The following CTNNA3 variants were observed in gnomAD, a reference collection of about 807,000 sequenced individuals.
The protein encoded by CTNNA3 is catenin alpha 3, also known as catenin alpha-3.
CTNNA3 carries 76 observed loss-of-function variants against 95.7 expected under a neutral mutation model. That is an observed-to-expected ratio of 0.79 (90% CI 0.66 to 0.96). The LOEUF is 0.96. Ranked by LOEUF, CTNNA3 falls within the 40% of genes least tolerant of loss-of-function variation. The pLI is 0.00. For missense variants in CTNNA3, 1,191 were observed against 1,089.8 expected (o/e 1.09, Z -1.31); for synonymous variants, 431 against 374.4 (o/e 1.15, Z -1.74).
chr10:67,587,769 T>C (rs1842681057), intron 3 of CTNNA3, among the ~76,000 whole-genome samples: 1 of 152,172 alleles, frequency 6.6e-6, no homozygotes, highest in Non-Finnish European at 1.5e-5. Context: ...CTTGAGAAGT[T>C]TTCATCTATT....
At chr10:66,618,580 A>T (rs1338482265) in intron 10 of CTNNA3, among the ~76,000 whole-genome samples, 2 of 152,162 alleles carry the variant, frequency 1.3e-5, no homozygotes, top group African/African-American at 4.8e-5. Flanking sequence ...TAAAGACTTA[A>T]ACGTTAGACC....
At chr10:67,656,997 G>A (rs1840043756) in intron 1 of CTNNA3, among the ~76,000 whole-genome samples, 1 of 152,226 alleles carries the variant, frequency 6.6e-6, no homozygotes, top group Admixed American at 6.5e-5. Context: ...CAGCCATTGG[G>A]AGTTCCCATA....
In CTNNA3 at chr10:66,851,633, TACACACACACAC is replaced by T. The variant is rs35986426; in HGVS notation, c.1048-76121_1048-76110del. 9.4e-3 allele frequency among the ~76,000 whole-genome samples: 1,365 copies of T among 144,468 alleles called. 24 individuals carry two copies. Among genetic ancestry groups the T allele is most frequent in the African/African-American group, 0.029 (1,132 of 38,862 alleles). 94.8% of individuals were successfully genotyped at this position (144,468 alleles called of 152,430 possible). A position where few individuals can be genotyped will look rare whatever the true frequency, so the allele number is the denominator to read the frequency against. ...CACCCACCTCTCTCTTTCTCTCACATACACACACACACACACACACACACACACACACACACA... is the reference window on the plus strand; with the variant it reads ...CACCCACCTCTCTCTTTCTCTCACATACACACACACACACACACACACACA... On this transcript the variant is annotated intron_variant, in intron 7 of 17. Transcript: ENST00000433211.
At chr10:67,523,736 T>C (rs1215167778) in intron 4 of CTNNA3, among the ~76,000 whole-genome samples, 3 of 152,162 alleles carry the variant, frequency 2.0e-5, no homozygotes, top group African/African-American at 4.8e-5. Context: ...CCAAAATCAG[T>C]TCATTTTCCC....
At chr10:65,990,599 GT>G (rs2078524950) in intron 15 of CTNNA3, among the ~76,000 whole-genome samples, 1 of 151,124 alleles carries the variant, frequency 6.6e-6, no homozygotes, top group South Asian at 2.1e-4. Context: ...CTGTTGAGTT[GT>G]TTTAGTTCCA....
intron 17 of CTNNA3, among the ~76,000 whole-genome samples, chr10:65,947,598 G>A (rs1457163065): frequency 6.6e-6 from 1 of 152,160 alleles, no homozygotes; most frequent in Non-Finnish European, 1.5e-5. Flanking sequence ...GGCCTCATTA[G>A]TGAGATTCCA....
intron 7 of CTNNA3, among the ~76,000 whole-genome samples, chr10:66,779,974 A>G (rs1040580517): frequency 6.6e-6 from 1 of 152,166 alleles, no homozygotes; most frequent in Non-Finnish European, 1.5e-5. Flanking sequence ...ACTCTCAATA[A>G]TGATGAAGGA....
chr10:67,472,265 A>T (rs577820125), intron 5 of CTNNA3, among the ~76,000 whole-genome samples: 18 of 152,316 alleles, frequency 1.2e-4, no homozygotes, highest in African/African-American at 4.3e-4. Flanking sequence ...CTACACAGAG[A>T]TATGAATACT....
intron 1 of CTNNA3, among the ~76,000 whole-genome samples, chr10:67,656,564 C>T (rs1369053006): frequency 1.3e-5 from 2 of 151,788 alleles, no homozygotes; most frequent in Non-Finnish European, 2.9e-5. Flanking sequence ...ATAACATATG[C>T]CATTTTAAAA....
At chr10:67,125,242 G>A (rs1439354163) in intron 7 of CTNNA3, among the ~76,000 whole-genome samples, 1 of 152,068 alleles carries the variant, frequency 6.6e-6, no homozygotes, top group Non-Finnish European at 1.5e-5. Context: ...CATTAGCAAA[G>A]CTCAGGAACT....
At chr10:66,163,041 C>A (rs1048267222) in intron 13 of CTNNA3, among the ~76,000 whole-genome samples, 1 of 152,072 alleles carries the variant, frequency 6.6e-6, no homozygotes, top group Non-Finnish European at 1.5e-5. Context: ...AACTGAAGGG[C>A]TGGTCTCACT....
At chr10:66,441,717 TA>T (rs2093376561) in intron 11 of CTNNA3, among the ~76,000 whole-genome samples, 3 of 152,194 alleles carry the variant, frequency 2.0e-5, no homozygotes, top group Admixed American at 6.5e-5. Context: ...TTCCAGAATA[TA>T]AAAACACTGT....
intron 7 of CTNNA3, among the ~76,000 whole-genome samples, chr10:66,806,149 A>G (rs1173516287): frequency 6.6e-6 from 1 of 151,564 alleles, no homozygotes; most frequent in Non-Finnish European, 1.5e-5. Context: ...AGGGAAATAA[A>G]GAAGCAAAAG....
chr10:66,778,555 G>A (rs576381719), intron 7 of CTNNA3, among the ~76,000 whole-genome samples: 66 of 152,246 alleles, frequency 4.3e-4, no homozygotes, highest in African/African-American at 1.4e-3. Flanking sequence ...CCCTGCTAAT[G>A]GAAAAGGGAC....
intron 7 of CTNNA3, among the ~76,000 whole-genome samples, chr10:66,922,507 T>C (rs1369922692): frequency 1.3e-5 from 2 of 152,188 alleles, no homozygotes; most frequent in Non-Finnish European, 2.9e-5. Context: ...GTTTTGGATT[T>C]CTCAACTAGC....
chr10:67,322,509 G>A (rs1841364967), intron 5 of CTNNA3, among the ~76,000 whole-genome samples: 1 of 152,178 alleles, frequency 6.6e-6, no homozygotes, highest in Non-Finnish European at 1.5e-5. Flanking sequence ...AGTTTGCTAA[G>A]AATAATGGCC....
chr10:66,216,864 C>T (rs2088573590), intron 13 of CTNNA3, among the ~76,000 whole-genome samples: 1 of 152,130 alleles, frequency 6.6e-6, no homozygotes. Context: ...TGTATAGCTT[C>T]ATGCCATTTT....
rs1051179102 is a variant in CTNNA3 at position 67,184,547 on chromosome 10, A to G, written c.844-4027T>C. Among the ~76,000 whole-genome samples the G allele has an allele frequency of 2.0e-5, 3 of 152,308 alleles. No homozygotes were observed. In the South Asian group the frequency reaches 6.2e-4, roughly 32 times the overall value. On this transcript the variant is annotated intron_variant, in intron 6 of 17. Transcript: ENST00000433211. ...ATAAGCTGAAGCAATTGAGATGTCT[A>G]TGGTGTTGGCTATTGTTTGTGCTGT...
intron 1 of CTNNA3, among the ~76,000 whole-genome samples, chr10:67,702,556 T>C (rs1360376435): frequency 1.3e-5 from 2 of 152,090 alleles, no homozygotes; most frequent in Non-Finnish European, 2.9e-5. Context: ...AAGGCAGAAA[T>C]AAAGATGTTC....
Sources: allele counts gnomAD v4.1 joint callset (sites outside exome capture counted in the v4.1 genomes callset), GRCh38; gene constraint gnomAD v4.1.1; transcripts MANE v1.5; gene names NCBI Gene and HGNC (gene_info 2026-07-23, HGNC 2026-07-21).